The following NDUFA10 variants were observed in gnomAD, a reference collection of about 807,000 sequenced individuals.
NDUFA10 encodes the protein NADH:ubiquinone oxidoreductase subunit A10.
Under a neutral mutation model 47.8 loss-of-function variants are expected in NDUFA10, and 40 were observed. The observed-to-expected ratio is 0.84, with a 90% CI of 0.65 to 1.09. NDUFA10 has a LOEUF of 1.09. Ranked by LOEUF, NDUFA10 falls within the 50% of genes least tolerant of loss-of-function variation. NDUFA10 has a pLI of 0.00. For missense variants in NDUFA10, 413 were observed against 451.1 expected (o/e 0.92, Z 0.76); for synonymous variants, 183 against 172.2 (o/e 1.06, Z -0.49).
At chr2:239,991,766 T>A (rs1227192304) in intron 8 of NDUFA10, among the ~76,000 whole-genome samples, 1 of 152,242 alleles carries the variant, frequency 6.6e-6, no homozygotes, top group Non-Finnish European at 1.5e-5. Flanking sequence ...AAGTTCATAT[T>A]TTAAATGTTA....
At chr2:239,899,573 G>T (rs1399328415) in intron 4 of NDUFA10, among the ~76,000 whole-genome samples, 1 of 151,956 alleles carries the variant, frequency 6.6e-6, no homozygotes, top group African/African-American at 2.4e-5. Context: ...CCAGGTACCT[G>T]GAAAATGGTT....
chr2:239,905,566 G>C (rs956312448), intron 4 of NDUFA10, among the ~76,000 whole-genome samples: 7 of 152,192 alleles, frequency 4.6e-5, no homozygotes, highest in Non-Finnish European at 1.0e-4. Context: ...TGTTCTTCAC[G>C]GGATGCTGCC....
intron 4 of NDUFA10, among the ~76,000 whole-genome samples, chr2:239,914,444 T>C (rs1351970537): frequency 1.9e-5 from 2 of 102,632 alleles, no homozygotes; most frequent in Non-Finnish European, 4.0e-5. Flanking sequence ...CACACAGAGA[T>C]ACACACACAA....
In NDUFA10 at chr2:239,958,861, A is replaced by G. The variant is rs1326102675; in HGVS notation, c.*2257T>C. ...ACCATACTGCTGCAACAGCATGATT[A>G]TTTCCTGATCTCCAAAGCACTGAGA... On this transcript the variant is annotated 3_prime_UTR_variant, in exon 10 of 10. Transcript: ENST00000252711. The G allele has an allele frequency of 4.7e-6, 4 of 843,700 alleles. No homozygotes were observed. Among genetic ancestry groups the G allele is most frequent in the Non-Finnish European group, 5.7e-6 (4 of 700,716 alleles). 52.3% of individuals were successfully genotyped at this position (843,700 alleles called of 1,614,324 possible).
At chr2:239,895,322 C>T (rs780658761) in intron 4 of NDUFA10, 12 of 463,974 alleles carry the variant, frequency 2.6e-5, no homozygotes, top group Middle Eastern at 3.3e-4. Context: ...GACCTAGAGA[C>T]GAAGAGGACA....
At chr2:239,899,596 T>C (rs899877367) in intron 4 of NDUFA10, among the ~76,000 whole-genome samples, 8 of 152,000 alleles carry the variant, frequency 5.3e-5, no homozygotes, top group Non-Finnish European at 1.0e-4. Flanking sequence ...TAGTTATTTT[T>C]ATTCTAGGCA....
At chr2:239,894,589 G>T (rs1387781508) in intron 5 of NDUFA10, among the ~76,000 whole-genome samples, 1 of 152,186 alleles carries the variant, frequency 6.6e-6, no homozygotes, top group East Asian at 1.9e-4. Context: ...GTCCCAGTGG[G>T]CCATTTCAGG....
chr2:239,907,229 T>A (rs1574769126), intron 4 of NDUFA10, among the ~76,000 whole-genome samples: 1 of 152,168 alleles, frequency 6.6e-6, no homozygotes, highest in African/African-American at 2.4e-5. Flanking sequence ...AAACTGGATC[T>A]CTTCCTTACA....
At chr2:239,905,821 G>A (rs1369401795) in intron 4 of NDUFA10, among the ~76,000 whole-genome samples, 1 of 123,512 alleles carries the variant, frequency 8.1e-6, no homozygotes, top group Non-Finnish European at 1.7e-5. Flanking sequence ...GAAGGGAGGG[G>A]AGCAGACTGG....
intron 3 of NDUFA10, among the ~76,000 whole-genome samples, chr2:240,019,361 TG>T (rs746333913): frequency 2.6e-5 from 4 of 152,222 alleles, no homozygotes; most frequent in Non-Finnish European, 4.4e-5. Context: ...AGTTCCAATT[TG>T]CCCCAAGAAT....
At chr2:240,014,368 A>C (rs1697251024) in intron 5 of NDUFA10, 1 of 336,616 alleles carries the variant, frequency 3.0e-6, no homozygotes, top group South Asian at 2.6e-5. Context: ...AATTGCTTCC[A>C]ATGTGGAAGA....
intron 8 of NDUFA10, among the ~76,000 whole-genome samples, chr2:239,997,888 CCAAA>C (rs1266579095): frequency 5.9e-5 from 9 of 152,202 alleles, no homozygotes; most frequent in Admixed American, 1.3e-4. Context: ...GGCCCACAGG[CCAAA>C]CAGTTTGCCA....
chr2:240,012,015 G>C, intron 5 of NDUFA10: 1 of 370,704 alleles, frequency 2.7e-6, no homozygotes, highest in Non-Finnish European at 5.2e-6. Flanking sequence ...CCTCGTGCCT[G>C]AGTGCAGGAA....
intron 4 of NDUFA10, among the ~76,000 whole-genome samples, chr2:239,898,521 C>A (rs548912556): frequency 8.5e-5 from 13 of 152,358 alleles, no homozygotes; most frequent in Non-Finnish European, 1.9e-4. Flanking sequence ...TGAGGTTGAA[C>A]CCTGGGGCTT....
At chr2:239,983,552 G>C in intron 9 of NDUFA10, 1 of 1,601,654 alleles carries the variant, frequency 6.2e-7, no homozygotes, top group East Asian at 2.2e-5. Context: ...GTGTGCATGG[G>C]GCTTTCTGGA....
chr2:239,996,404 A>G (rs1247066711), intron 8 of NDUFA10, among the ~76,000 whole-genome samples: 1 of 152,256 alleles, frequency 6.6e-6, no homozygotes, highest in Non-Finnish European at 1.5e-5. Flanking sequence ...AAATCCCTAC[A>G]TGCCTGGAGA....
intron 9 of NDUFA10, among the ~76,000 whole-genome samples, chr2:239,983,282 C>T (rs1298077218): frequency 6.6e-6 from 1 of 152,176 alleles, no homozygotes; most frequent in South Asian, 2.1e-4. Context: ...AACAGCTGCA[C>T]ATGAAACCCA....
chr2:240,016,066 TA>T lies in NDUFA10; in HGVS notation c.548-1207del, dbSNP rs4149563. On this transcript the variant is annotated intron_variant, in intron 4 of 9. Coordinates refer to ENST00000252711, the MANE Select transcript of NDUFA10 (RefSeq NM_004544.4). The surrounding 1 kb of genome is among the most constrained non-coding windows in gnomAD (Gnocchi z 4.4). ...TAAATAAAAATTTTAAAAATTAAAT[TA>T]AAAAAAAAAGTTCCAGTGAGCATTC... Among the ~76,000 whole-genome samples the T allele has an allele frequency of 7.0e-3, 1,036 of 149,006 alleles. 9 individuals are homozygous for T. The highest frequency in any genetic ancestry group is 0.024 in the African/African-American group (957 of 40,670).
At chr2:239,915,890 C>G (rs552091851) in intron 4 of NDUFA10, among the ~76,000 whole-genome samples, 1 of 151,116 alleles carries the variant, frequency 6.6e-6, no homozygotes, top group Admixed American at 6.6e-5. Context: ...CACAGAGAGA[C>G]ACACAGAGAT....
Sources: allele counts gnomAD v4.1 joint callset (sites outside exome capture counted in the v4.1 genomes callset), GRCh38; gene constraint gnomAD v4.1.1; non-coding constraint Gnocchi (gnomAD v3.1); transcripts MANE v1.5; gene names NCBI Gene and HGNC (gene_info 2026-07-23, HGNC 2026-07-21).